Variants in ANKS4B observed in about 807,000 individuals in gnomAD.
The protein encoded by ANKS4B is ankyrin repeat and sterile alpha motif domain containing 4B.
A neutral mutation model predicts 20.2 loss-of-function variants in ANKS4B; 21 were observed. The observed-to-expected ratio is 1.04, with a 90% confidence interval of 0.74 to 1.50. The LOEUF (loss-of-function observed/expected upper bound fraction) is 1.50. Ranked by LOEUF, ANKS4B falls within the 40% of genes most tolerant of loss-of-function variation. The probability of loss-of-function intolerance (pLI) is 0.00; values close to 1 mark genes in which losing one functional copy is unlikely to be tolerated. For missense variants in ANKS4B, 473 were observed against 494.6 expected (o/e 0.96, Z 0.41); for synonymous variants, 179 against 194.5 (o/e 0.92, Z 0.66).
chr16:21,251,584 T>TGATA lies in ANKS4B; in HGVS notation c.*766_*767insTAGA, dbSNP rs1466920658. ...AATTCTTTTTCTCTCCTGAGATCTATGACTTTGCCTAGTGGTAGAGACTAG... is the reference window on the plus strand; with the variant it reads ...AATTCTTTTTCTCTCCTGAGATCTATGATAGACTTTGCCTAGTGGTAGAGACTAG... On this transcript the variant is annotated 3_prime_UTR_variant, in exon 2 of 2. Coordinates refer to ENST00000311620, the MANE Select transcript of ANKS4B (RefSeq NM_145865.3). 2.0e-5 allele frequency: 3 copies of TGATA among 152,258 alleles called. No individual in the cohort carries two copies. Among genetic ancestry groups the TGATA allele is most frequent in the African/African-American group, 7.2e-5 (3 of 41,472 alleles). 9.4% of individuals were successfully genotyped at this position (152,258 alleles called of 1,614,324 possible).
chr16:21,248,202 A>T (rs2093334660), intron 1 of ANKS4B, among the ~76,000 whole-genome samples: 2 of 151,948 alleles, frequency 1.3e-5, no homozygotes, highest in Admixed American at 6.6e-5. Context: ...TTAAAAAAAA[A>T]TTTAATGGAG....
At chr16:21,236,721 A>G (rs2093320663) in intron 1 of ANKS4B, among the ~76,000 whole-genome samples, 1 of 151,862 alleles carries the variant, frequency 6.6e-6, no homozygotes, top group African/African-American at 2.4e-5. Context: ...TGGTTCTGCT[A>G]GTCTTTAATT....
chr16:21,235,143 T>C (rs766188149), intron 1 of ANKS4B, among the ~76,000 whole-genome samples: 2 of 152,184 alleles, frequency 1.3e-5, no homozygotes, highest in African/African-American at 2.4e-5. Flanking sequence ...CCACTGTGCC[T>C]GGCTCATCTA....
At chr16:21,238,407 A>G (rs2093322761) in intron 1 of ANKS4B, among the ~76,000 whole-genome samples, 1 of 152,160 alleles carries the variant, frequency 6.6e-6, no homozygotes, top group African/African-American at 2.4e-5. Flanking sequence ...TCTTTGTCAT[A>G]TAGGTTACAA....
Position 21,250,038 on chromosome 16 carries a change from C to A in ANKS4B, c.472C>A (p.Gln158Lys), listed in dbSNP as rs752364804. The A allele has an allele frequency of 4.3e-6, 7 of 1,613,998 alleles. No individual in the cohort carries two copies. Among genetic ancestry groups the A allele is most frequent in the Non-Finnish European group, 5.1e-6 (6 of 1,180,014 alleles). Residue 158 changes from glutamine (Q) to lysine (K), a missense_variant, in exon 2 of 2, where the codon CAA becomes AAA. Coordinates refer to ENST00000311620, the MANE Select transcript of ANKS4B (RefSeq NM_145865.3). ...GTGTGAGAGGCTCCAGGAGAAGCAC[C>A]AAAATAAGATGGCCCACACCTACAG... ...KECERLQEKH[Q>K]NKMAHTYSKE...
At chr16:21,235,337 A>T (rs1205554533) in intron 1 of ANKS4B, among the ~76,000 whole-genome samples, 3 of 152,168 alleles carry the variant, frequency 2.0e-5, no homozygotes, top group African/African-American at 7.2e-5. Context: ...TGAGAACTAG[A>T]GAAGCTGAGT....
intron 1 of ANKS4B, among the ~76,000 whole-genome samples, chr16:21,241,509 G>C (rs1299968203): frequency 6.6e-6 from 1 of 152,040 alleles, no homozygotes; most frequent in African/African-American, 2.4e-5. Context: ...AGCCTCCCAG[G>C]TTCAAGCAAT....
intron 1 of ANKS4B, among the ~76,000 whole-genome samples, chr16:21,236,730 T>G (rs531571056): frequency 1.0e-3 from 152 of 152,074 alleles, no homozygotes; most frequent in Non-Finnish European, 1.6e-3. Flanking sequence ...TAGTCTTTAA[T>G]TACAAAAGTA....
intron 1 of ANKS4B, among the ~76,000 whole-genome samples, chr16:21,246,184 T>C (rs548625602): frequency 6.6e-6 from 1 of 152,340 alleles, no homozygotes; most frequent in African/African-American, 2.4e-5. Context: ...ATGTGTTTAA[T>C]GTTGTGTTTG....
At chr16:21,244,405 A>C (rs994628426) in intron 1 of ANKS4B, among the ~76,000 whole-genome samples, 3 of 152,170 alleles carry the variant, frequency 2.0e-5, no homozygotes, top group Admixed American at 1.3e-4. Context: ...TGTTCTGCAC[A>C]TGTATCCCAG....
Position 21,250,064 on chromosome 16 carries a change from C to A in ANKS4B, c.498C>A (p.Ser166Arg), listed in dbSNP as rs763993238. 6.2e-7 allele frequency: 1 copy of A among 1,614,228 alleles called. No homozygotes were observed. The highest frequency in any genetic ancestry group is 1.1e-5 in the South Asian group (1 of 91,084). The change falls in exon 2 of 2, where the codon AGC becomes AGA. Residue 166 changes from serine (S) to arginine (R), a missense_variant. Coordinates refer to ENST00000311620, the MANE Select transcript of ANKS4B (RefSeq NM_145865.3). ...KHQNKMAHTY[S>R]KEESGTLSSS... is the part of the protein sequence containing the mutation. ...AAAATAAGATGGCCCACACCTACAG[C>A]AAGGAGGAATCCGGGACTCTCTCTT...
intron 1 of ANKS4B, among the ~76,000 whole-genome samples, chr16:21,247,541 G>A (rs1002451483): frequency 6.6e-5 from 10 of 152,304 alleles, no homozygotes; most frequent in Admixed American, 5.2e-4. Flanking sequence ...CAGACTCACT[G>A]TCCTCTTTCC....
intron 1 of ANKS4B, among the ~76,000 whole-genome samples, chr16:21,238,096 GGTGGTGGAGGTT>G (rs1472121917): frequency 6.6e-6 from 1 of 152,108 alleles, no homozygotes; most frequent in East Asian, 1.9e-4. Context: ...CTTGAATCCG[GGTGGTGGAGGTT>G]GCAGTGAGCC....
In ANKS4B at chr16:21,249,866, TCCA is replaced by T. The variant is rs2093336614; in HGVS notation, c.302_304del (p.Pro101del). On this transcript the variant is annotated inframe_deletion, in exon 2 of 2. Coordinates refer to ENST00000311620, the MANE Select transcript of ANKS4B (RefSeq NM_145865.3). ...TTGCCCTGGATAATGACTTACAGAC[TCCA>T]CTGGATGCTGCTGCCAGCAGGGAGC... The T allele has an allele frequency of 3.7e-6, 6 of 1,614,144 alleles. No homozygotes were observed. The highest frequency in any genetic ancestry group is 4.2e-6 in the Non-Finnish European group (5 of 1,180,036).
chr16:21,245,351 G>C (rs1331563830), intron 1 of ANKS4B, among the ~76,000 whole-genome samples: 1 of 152,104 alleles, frequency 6.6e-6, no homozygotes, highest in Non-Finnish European at 1.5e-5. Flanking sequence ...ACTTCTGCCG[G>C]GACATGTGGC....
At chr16:21,242,526 T>C (rs527455438) in intron 1 of ANKS4B, among the ~76,000 whole-genome samples, 2 of 152,338 alleles carry the variant, frequency 1.3e-5, no homozygotes, top group South Asian at 2.1e-4. Context: ...AGTGAGATCA[T>C]GTGGTATTCG....
intron 1 of ANKS4B, among the ~76,000 whole-genome samples, chr16:21,239,914 G>T: frequency 6.6e-6 from 1 of 152,076 alleles, no homozygotes; most frequent in Non-Finnish European, 1.5e-5. Context: ...AAACACTCGT[G>T]ATATGAGTTT....
In ANKS4B at chr16:21,249,935, A is replaced by G. The variant is rs1254690759; in HGVS notation, c.369A>G (p.Ala123=). The change falls in exon 2 of 2, where the codon GCA becomes GCG. Residue 123 remains alanine (A), a synonymous_variant. Coordinates refer to ENST00000311620, the MANE Select transcript of ANKS4B (RefSeq NM_145865.3). ...CVALLDKAAT[A]QNIMNPKKVT... is the part of the protein sequence containing the mutation. ...CTCTCCTGGACAAGGCTGCCACTGC[A>G]CAGAACATCATGAACCCCAAGAAGG... 6.2e-7 allele frequency: 1 copy of G among 1,614,078 alleles called. No homozygotes were observed. Among genetic ancestry groups the G allele is most frequent in the African/African-American group, 1.3e-5 (1 of 74,942 alleles).
chr16:21,234,890 C>G (rs2093318368), intron 1 of ANKS4B, among the ~76,000 whole-genome samples: 1 of 152,110 alleles, frequency 6.6e-6, no homozygotes, highest in South Asian at 2.1e-4. Context: ...CACTCTGTCA[C>G]TCAGGCTGGA....
Sources: allele counts gnomAD v4.1 joint callset (sites outside exome capture counted in the v4.1 genomes callset), GRCh38; gene constraint gnomAD v4.1.1; transcripts MANE v1.5; gene names NCBI Gene and HGNC (gene_info 2026-07-23, HGNC 2026-07-21).